The following ANKRD30A variants were observed in gnomAD, a reference collection of about 807,000 sequenced individuals.
ANKRD30A encodes the protein ankyrin repeat domain 30A.
ANKRD30A carries 170 observed loss-of-function variants against 166.3 expected under a neutral mutation model. The observed-to-expected ratio is 1.02, with a 90% CI of 0.90 to 1.16. The LOEUF is 1.16. ANKRD30A is among the 50% of genes most tolerant of loss of function. The pLI is 0.00. For synonymous variants in ANKRD30A, 564 were observed against 508.9 expected (o/e 1.11, Z -1.46); for missense variants, 1,630 against 1,518.0 (o/e 1.07, Z -1.23).
intron 21 of ANKRD30A, among the ~76,000 whole-genome samples, chr10:37,172,948 A>G (rs1408595924): frequency 6.6e-6 from 1 of 152,130 alleles, no homozygotes; most frequent in African/African-American, 2.4e-5. Flanking sequence ...ATCTGAAAAA[A>G]TACTGAATTT....
At chr10:37,209,382 C>T (rs184427993) in intron 31 of ANKRD30A, among the ~76,000 whole-genome samples, 4 of 152,094 alleles carry the variant, frequency 2.6e-5, no homozygotes, top group Non-Finnish European at 2.9e-5. Context: ...TATGGTGGAA[C>T]GTGAGGAAGA....
At chr10:37,171,281 C>T (rs1338907329) in intron 21 of ANKRD30A, among the ~76,000 whole-genome samples, 1 of 142,978 alleles carries the variant, frequency 7.0e-6, no homozygotes. Flanking sequence ...TTCCTAGCCA[C>T]TAAAAGTCGA....
chr10:37,205,759 T>G (rs1038722564), intron 31 of ANKRD30A, among the ~76,000 whole-genome samples: 8 of 152,216 alleles, frequency 5.3e-5, no homozygotes, highest in African/African-American at 1.9e-4. Context: ...TCTAGAAGGT[T>G]TCAAACTTTA....
At chr10:37,204,936 A>G (rs965769974) in intron 31 of ANKRD30A, among the ~76,000 whole-genome samples, 1 of 152,198 alleles carries the variant, frequency 6.6e-6, no homozygotes, top group African/African-American at 2.4e-5. Flanking sequence ...GATCATTAAA[A>G]AGTCAGGAAA....
chr10:37,232,654 T>TTATATATATATATATATATGTATATA (rs1843467554), downstream of ANKRD30A: 1 of 54,214 alleles, frequency 1.8e-5, no homozygotes. Context: ...AGCATTGGTT[T>TTATATATATATATATATATGTATATA]TATATATATA....
rs572344022 is a variant in ANKRD30A at position 37,231,342 on chromosome 10, G to A, written c.4186-119G>A. The A allele has an allele frequency of 6.6e-4, 472 of 710,338 alleles. 11 individuals are homozygous for A. In the South Asian group the frequency reaches 0.014, roughly 21 times the overall value. 44.0% of individuals were successfully genotyped at this position (710,338 alleles called of 1,614,324 possible). On this transcript the variant is annotated intron_variant, in intron 34 of 35. Transcript: ENST00000361713. The stretch of plus-strand genomic sequence containing the variant: ...TCACACATCTTCATTGTTAAAGCAC[G>A]GCTTAATGGGAAATGTTATTTATTC...
At chr10:37,202,452 A>G (rs1841697078) in intron 31 of ANKRD30A, among the ~76,000 whole-genome samples, 1 of 152,228 alleles carries the variant, frequency 6.6e-6, no homozygotes, top group Non-Finnish European at 1.5e-5. Flanking sequence ...GAACAAAGGC[A>G]CCACATACCA....
chr10:37,236,064 G>T (rs2132775213), downstream of ANKRD30A, among the ~76,000 whole-genome samples: 1 of 152,228 alleles, frequency 6.6e-6, no homozygotes. Flanking sequence ...CACCGCGCCG[G>T]GCCTGATTTC....
intron 33 of ANKRD30A, among the ~76,000 whole-genome samples, chr10:37,218,448 C>T (rs1360822380): frequency 6.6e-6 from 1 of 150,764 alleles, no homozygotes. Flanking sequence ...ACTAAAAGTG[C>T]TTGTTACAAT....
At chr10:37,250,966 G>T in the ANKRD30A span, among the ~76,000 whole-genome samples, 1 of 152,150 alleles carries the variant, frequency 6.6e-6, no homozygotes, top group Non-Finnish European at 1.5e-5. Flanking sequence ...CTATAAGGTG[G>T]ACAGCCACCC....
chr10:37,130,600 T>C (rs182664147), intron 3 of ANKRD30A, among the ~76,000 whole-genome samples: 113 of 152,356 alleles, frequency 7.4e-4, no homozygotes, highest in African/African-American at 2.6e-3. Context: ...TTGAATGTGT[T>C]AAAGGTAAAA....
At position 37,217,836 on chromosome 10, in the gene ANKRD30A, A is replaced by G. The variant is rs1455172701; in HGVS notation, c.3225A>G (p.Ile1075Met). The G allele has an allele frequency of 1.3e-6, 2 of 1,598,108 alleles. No homozygotes were observed. Among genetic ancestry groups the G allele is most frequent in the Non-Finnish European group, 1.7e-6 (2 of 1,172,236 alleles). Residue 1075 changes from isoleucine (I) to methionine (M), a missense_variant, in exon 33 of 36, where the codon ATA (isoleucine) becomes ATG (methionine). Ile to Met is a conservative substitution (Grantham distance 10). Transcript: ENST00000361713. ...AACAACTTGAACAGGCTCTCAGAAT[A>G]CAAGATATAGAATTGAAGAGTGTAG... ...VKQQLEQALR[I>M]QDIELKSVES...
chr10:37,241,704 C>A, the ANKRD30A span, among the ~76,000 whole-genome samples: 1 of 152,126 alleles, frequency 6.6e-6, no homozygotes. Context: ...ATGCAATTGA[C>A]ACCATACCAT....
chr10:37,151,084 C>T (rs1338911315), intron 11 of ANKRD30A, among the ~76,000 whole-genome samples: 1 of 146,042 alleles, frequency 6.8e-6, no homozygotes, highest in Non-Finnish European at 1.5e-5. Flanking sequence ...GTTAAACTTA[C>T]TTTTGAAAAC....
chr10:37,204,467 T>G (rs1841856373), intron 31 of ANKRD30A, among the ~76,000 whole-genome samples: 1 of 151,966 alleles, frequency 6.6e-6, no homozygotes, highest in African/African-American at 2.4e-5. Flanking sequence ...AAAAATTAAT[T>G]CAAGATGGAT....
the ANKRD30A span, among the ~76,000 whole-genome samples, chr10:37,264,863 A>G: frequency 6.6e-5 from 10 of 152,338 alleles, no homozygotes; most frequent in East Asian, 1.9e-3. Flanking sequence ...TATTATAAAA[A>G]GTCAACCTAA....
chr10:37,222,160 T>G (rs1842929382), intron 34 of ANKRD30A, among the ~76,000 whole-genome samples: 1 of 151,240 alleles, frequency 6.6e-6, no homozygotes, highest in South Asian at 2.1e-4. Context: ...TCTTAATATA[T>G]TCACAAAGTT....
At chr10:37,131,823 G>A (rs1040246680) in intron 3 of ANKRD30A, among the ~76,000 whole-genome samples, 1 of 152,146 alleles carries the variant, frequency 6.6e-6, no homozygotes, top group Non-Finnish European at 1.5e-5. Flanking sequence ...ATATGTTGGG[G>A]TACAGTGCTT....
chr10:37,158,455 C>A lies in ANKRD30A; in HGVS notation c.1827+35C>A, dbSNP rs779680031. 1.9e-6 allele frequency: 3 copies of A among 1,612,698 alleles called. No homozygotes were observed. In the East Asian group the frequency reaches 6.7e-5, roughly 36 times the overall value. ...TTTATATTTTTGTCTTGAGTATCAACTACATATTTTATGAAGTATACATTG... is the reference window on the plus strand; with the variant it reads ...TTTATATTTTTGTCTTGAGTATCAAATACATATTTTATGAAGTATACATTG... On this transcript the variant is annotated intron_variant, in intron 14 of 35. Transcript: ENST00000361713.
Sources: gnomAD v4.1 joint callset for allele counts (sites outside exome capture counted in the v4.1 genomes callset) on GRCh38, gnomAD v4.1.1 for gene constraint, MANE v1.5 for transcripts, NCBI Gene and HGNC (gene_info 2026-07-23, HGNC 2026-07-21) for gene names.